FER1L6: variants seen among roughly 807,000 people sequenced by gnomAD.
FER1L6 encodes fer-1-like protein 6.
Under a neutral mutation model 219.2 loss-of-function variants are expected in FER1L6, and 177 were observed. The ratio of observed to expected loss-of-function variants is 0.81; its 90% confidence interval spans 0.71 to 0.91. FER1L6 has a LOEUF of 0.91. Ranked by LOEUF, FER1L6 falls within the 40% of genes least tolerant of loss-of-function variation. FER1L6 has a pLI of 0.00. For synonymous variants in FER1L6, 768 were observed against 824.3 expected, an observed-to-expected ratio of 0.93 and a Z score of 1.17; for missense variants, 2,153 against 2,259.9, an observed-to-expected ratio of 0.95 and a Z score of 0.96.
intron 39 of FER1L6, among the ~76,000 whole-genome samples, chr8:124,104,509 T>C (rs1422459073): frequency 1.3e-5 from 2 of 152,178 alleles, no homozygotes; most frequent in African/African-American, 4.8e-5. Flanking sequence ...AGGCATTTTA[T>C]AGATGAAAAA....
At position 124,076,422 on chromosome 8, in the gene FER1L6, G is replaced by T; in HGVS notation, c.4220+97G>T. The T allele has an allele frequency of 4.9e-6, 6 of 1,234,554 alleles. No individual in the cohort carries two copies. The South Asian group carries it at 7.9e-5, about 16-fold the overall frequency. 76.5% of individuals were successfully genotyped at this position (1,234,554 alleles called of 1,614,324 possible). On this transcript the variant is annotated intron_variant, in intron 32 of 40. Coordinates refer to ENST00000522917, the MANE Select transcript of FER1L6 (RefSeq NM_001039112.2). The stretch of plus-strand genomic sequence containing the variant: ...TGCGTGTATGTTTGTGTTCCTGGGT[G>T]AAATGGTTCCAGGAGGTTAAATACT...
chr8:123,856,025 A>T (rs184444191), intron 1 of FER1L6, among the ~76,000 whole-genome samples: 4 of 140,588 alleles, frequency 2.8e-5, no homozygotes, highest in African/African-American at 8.1e-5. Flanking sequence ...ATGTATATAC[A>T]TATGTATATG....
intron 21 of FER1L6, chr8:124,047,829 A>C (rs1384953884): frequency 1.3e-5 from 2 of 152,354 alleles, no homozygotes; most frequent in Non-Finnish European, 2.9e-5. Context: ...AAATATGGTG[A>C]TGCTCAGATT....
At chr8:123,911,048 G>C (rs1377667573) in intron 1 of FER1L6, among the ~76,000 whole-genome samples, 1 of 152,124 alleles carries the variant, frequency 6.6e-6, no homozygotes, top group Non-Finnish European at 1.5e-5. Flanking sequence ...TGGTTATCAT[G>C]ACAGTGACGA....
At position 124,094,949 on chromosome 8, in the gene FER1L6, G is replaced by A. The variant is rs772584048; in HGVS notation, c.4606G>A (p.Glu1536Lys). The A allele has an allele frequency of 1.9e-5, 30 of 1,614,034 alleles. 1 individual carries two copies. In the South Asian group the frequency reaches 2.7e-4, roughly 15 times the overall value. The change falls in exon 35 of 41, where the codon GAG becomes AAG. Residue 1536 changes from glutamate (E) to lysine (K), a missense_variant. Coordinates refer to ENST00000522917, the MANE Select transcript of FER1L6 (RefSeq NM_001039112.2). ...HLALKVLHSW[E>K]DIPEVGCRLV... Reference sequence around the variant, plus strand: ...GGCCCTCAAGGTTTTACACTCTTGGGAGGATATCCCGGAAGTCGGGTGTAG... The same window carrying A: ...GGCCCTCAAGGTTTTACACTCTTGGAAGGATATCCCGGAAGTCGGGTGTAG...
At chr8:123,886,255 C>T (rs1029576604) in intron 1 of FER1L6, among the ~76,000 whole-genome samples, 1 of 152,120 alleles carries the variant, frequency 6.6e-6, no homozygotes, top group Non-Finnish European at 1.5e-5. Context: ...GAAATTTGCT[C>T]CCCAATGTTG....
chr8:124,008,198 G>A (rs1817756058), intron 13 of FER1L6, among the ~76,000 whole-genome samples: 1 of 152,104 alleles, frequency 6.6e-6, no homozygotes, highest in Non-Finnish European at 1.5e-5. Context: ...ACGATGTTTG[G>A]TTTTCCATTC....
At chr8:124,108,038 C>T (rs1464056636) in intron 39 of FER1L6, among the ~76,000 whole-genome samples, 1 of 152,144 alleles carries the variant, frequency 6.6e-6, no homozygotes. Context: ...CTAGAACAGC[C>T]CCAGGTCAGC....
At chr8:124,008,806 C>T (rs957180904) in intron 13 of FER1L6, among the ~76,000 whole-genome samples, 2 of 152,124 alleles carry the variant, frequency 1.3e-5, no homozygotes, top group Middle Eastern at 3.4e-3. Flanking sequence ...AAAAAGTGGG[C>T]TAAGGACATG....
intron 39 of FER1L6, among the ~76,000 whole-genome samples, chr8:124,114,929 ATATATT>A (rs1823180689): frequency 8.0e-6 from 1 of 124,776 alleles, no homozygotes; most frequent in Non-Finnish European, 1.7e-5. Flanking sequence ...ATATATATAT[ATATATT>A]CCTTTTCCTA....
rs1007108573 is a variant in FER1L6, at chr8:124,003,203, A to C, written c.1556A>C (p.His519Pro). 6.2e-7 allele frequency: 1 copy of C among 1,614,014 alleles called. No homozygotes were observed. Among genetic ancestry groups the C allele is most frequent in the Admixed American group, 1.7e-5 (1 of 60,004 alleles). ...AACCTGATTGATGGAGGATCCCATC[A>C]TGGGAGTAAGAAGTCAGCTGAATCA... is the stretch of plus-strand genomic sequence containing the variant. ...FGNLIDGGSH[H>P]GSKKSAESAE... Residue 519 changes from histidine (H) to proline (P), a missense_variant, in exon 13 of 41, where the codon CAT becomes CCT. Physicochemically the swap from His to Pro is moderately conservative, Grantham distance 77 (BLOSUM62 -2). Transcript: ENST00000522917.
chr8:123,980,138 G>C (rs1360975149), intron 10 of FER1L6, among the ~76,000 whole-genome samples: 1 of 152,164 alleles, frequency 6.6e-6, no homozygotes, highest in Non-Finnish European at 1.5e-5. Context: ...AGCAGGCTCT[G>C]TTTAGTATCT....
At chr8:124,097,437 T>C in intron 36 of FER1L6, 78 bp downstream of exon 36, 1 of 1,063,528 alleles carries the variant, frequency 9.4e-7, no homozygotes, top group South Asian at 1.4e-5. Flanking sequence ...TTATCTGGTG[T>C]CTGACAGGTT....
At chr8:123,933,630 T>C (rs1813869749) in intron 1 of FER1L6, among the ~76,000 whole-genome samples, 1 of 152,188 alleles carries the variant, frequency 6.6e-6, no homozygotes, top group South Asian at 2.1e-4. Flanking sequence ...GATTTTAGAA[T>C]ATCAGTTTCT....
chr8:124,008,532 C>A (rs1045537969), intron 13 of FER1L6, among the ~76,000 whole-genome samples: 1 of 152,142 alleles, frequency 6.6e-6, no homozygotes, highest in South Asian at 2.1e-4. Context: ...TATAAAAATT[C>A]TAGAAGATAA....
In FER1L6 at chr8:123,956,102, T is replaced by C. The variant is rs369236150; in HGVS notation, c.76+28T>C. On this transcript the variant is annotated intron_variant, in intron 2 of 40. Transcript: ENST00000522917. The stretch of plus-strand genomic sequence containing the variant: ...GAGGCTGGGGGTGGGGTGCTGACCA[T>C]TGGGGCCTGAGAGTCTCGCAGAGTG... The C allele has an allele frequency of 4.9e-4, 779 of 1,592,940 alleles. 8 individuals carry two copies. The South Asian group carries it at 6.8e-3, about 14-fold the overall frequency.
Position 124,061,887 on chromosome 8 carries a change from G to A in FER1L6, c.3183G>A (p.Leu1061=), listed in dbSNP as rs760246892. The change falls in exon 25 of 41, where the codon CTG becomes CTA. Residue 1061 remains leucine (L), a synonymous_variant. Transcript: ENST00000522917. ...AGAACGAGCTTCTGCACCCGCCACT[G>A]AGCATCTGCGTGGTGGACTGGAGAG... ...LPENELLHPP[L]SICVVDWRAF... 89 of 1,613,928 alleles carry A rather than the reference G, an allele frequency of 5.5e-5. No homozygotes were observed. Among genetic ancestry groups the A allele is most frequent in the Middle Eastern group, 1.7e-4 (1 of 6,006 alleles).
chr8:123,907,761 G>A (rs557148414), intron 1 of FER1L6, among the ~76,000 whole-genome samples: 20 of 124,994 alleles, frequency 1.6e-4, no homozygotes, highest in Middle Eastern at 4.4e-3. Flanking sequence ...CTGGGGAGTA[G>A]CAATCCCAAT....
intron 3 of FER1L6, 33 bp downstream of exon 3, chr8:123,963,431 T>C: frequency 6.2e-7 from 1 of 1,611,918 alleles, no homozygotes; most frequent in Non-Finnish European, 8.5e-7. Flanking sequence ...CAACACACAT[T>C]TGCTGAGCAT....
Sources: allele counts gnomAD v4.1 joint callset (sites outside exome capture counted in the v4.1 genomes callset), GRCh38; gene constraint gnomAD v4.1.1; transcripts MANE v1.5; gene names NCBI Gene and HGNC (gene_info 2026-07-23, HGNC 2026-07-21).